GMDS: variants seen among roughly 807,000 people sequenced by gnomAD.
GMDS encodes GDP-mannose 4,6-dehydratase.
A neutral mutation model predicts 49.9 loss-of-function variants in GMDS; 20 were observed. The observed-to-expected ratio is 0.40, with a 90% confidence interval of 0.28 to 0.58. The LOEUF is 0.58. Among genes scored for constraint, GMDS ranks in the 20% least tolerant of loss-of-function variants. GMDS has a pLI of 0.42. For synonymous variants in GMDS, 177 were observed against 178.6 expected (o/e 0.99, Z 0.07); for missense variants, 362 against 481.4 (o/e 0.75, Z 2.32).
At chr6:1,760,638 C>T (rs1202603484) in intron 7 of GMDS, among the ~76,000 whole-genome samples, 1 of 152,210 alleles carries the variant, frequency 6.6e-6, no homozygotes, top group South Asian at 2.1e-4. Flanking sequence ...TAACTGGGAA[C>T]CTAGTGTCCT....
At chr6:1,800,095 G>T (rs1378826491) in intron 7 of GMDS, among the ~76,000 whole-genome samples, 2 of 152,168 alleles carry the variant, frequency 1.3e-5, no homozygotes, top group South Asian at 2.1e-4. Flanking sequence ...CTCCCACCTT[G>T]ACTAGGGCTG....
chr6:1,868,035 G>A (rs1685956659), intron 7 of GMDS, among the ~76,000 whole-genome samples: 2 of 151,488 alleles, frequency 1.3e-5, no homozygotes, highest in African/African-American at 4.9e-5. Flanking sequence ...CACCCAGGCT[G>A]GAGTGCAGTG....
chr6:1,847,005 T>C (rs1757443259), intron 7 of GMDS, among the ~76,000 whole-genome samples: 2 of 152,258 alleles, frequency 1.3e-5, no homozygotes, highest in East Asian at 1.9e-4. Flanking sequence ...TTCAGATGTA[T>C]TGAAATAGAA....
intron 4 of GMDS, among the ~76,000 whole-genome samples, chr6:2,097,325 C>T (rs1023709027): frequency 1.3e-5 from 2 of 152,030 alleles, no homozygotes; most frequent in South Asian, 2.1e-4. Flanking sequence ...CAAAGCCCCT[C>T]GGCGACTGAG....
intron 4 of GMDS, among the ~76,000 whole-genome samples, chr6:2,038,703 T>C (rs1407885014): frequency 1.4e-5 from 2 of 143,712 alleles, no homozygotes; most frequent in Non-Finnish European, 3.1e-5. Flanking sequence ...GACTGCTGAG[T>C]AACATAAGCA....
At chr6:1,912,940 A>G (rs1050466132) in intron 7 of GMDS, among the ~76,000 whole-genome samples, 2 of 152,190 alleles carry the variant, frequency 1.3e-5, no homozygotes, top group African/African-American at 2.4e-5. Flanking sequence ...GCCCTTCTGG[A>G]TGAGACTGAC....
chr6:2,047,651 T>A (rs1028329418), intron 4 of GMDS, among the ~76,000 whole-genome samples: 1 of 151,798 alleles, frequency 6.6e-6, no homozygotes, highest in Admixed American at 6.6e-5. Flanking sequence ...ACCTTCCCCA[T>A]CTAATTTTCG....
intron 4 of GMDS, among the ~76,000 whole-genome samples, chr6:2,077,968 T>C (rs1395865801): frequency 6.6e-5 from 10 of 152,074 alleles, no homozygotes; most frequent in Non-Finnish European, 1.5e-4. Context: ...TACTGGTTAT[T>C]GGTTTGTTCA....
At chr6:2,059,087 A>C (rs1036541182) in intron 4 of GMDS, among the ~76,000 whole-genome samples, 2 of 148,182 alleles carry the variant, frequency 1.3e-5, no homozygotes, top group African/African-American at 5.0e-5. Context: ...AAGCCAGGAG[A>C]ATCTCTTGAA....
At chr6:1,699,023 A>G (rs376839329) in intron 9 of GMDS, among the ~76,000 whole-genome samples, 24 of 152,240 alleles carry the variant, frequency 1.6e-4, no homozygotes, top group African/African-American at 5.5e-4. Context: ...ACCTTTAAAA[A>G]GTGTCATGAA....
intron 1 of GMDS, among the ~76,000 whole-genome samples, chr6:2,163,729 C>A (rs1326338074): frequency 1.3e-5 from 2 of 152,216 alleles, no homozygotes; most frequent in Non-Finnish European, 2.9e-5. Context: ...TACCTACCCA[C>A]ATTAGACACA....
chr6:2,152,437 T>A (rs752443264), intron 1 of GMDS, among the ~76,000 whole-genome samples: 24 of 152,182 alleles, frequency 1.6e-4, no homozygotes, highest in Non-Finnish European at 3.1e-4. Context: ...TTATTCAAAA[T>A]CAGGAGTTTC....
rs751710955 is a variant in GMDS at position 2,078,091 on chromosome 6, G to A, written c.345+37680C>T. 5.7e-4 allele frequency among the ~76,000 whole-genome samples: 86 copies of A among 152,028 alleles called. 1 individual carries two copies. The highest frequency in any genetic ancestry group is 1.6e-4 in the Non-Finnish European group (11 of 67,938). On this transcript the variant is annotated intron_variant, in intron 4 of 10. Coordinates refer to ENST00000380815, the MANE Select transcript of GMDS (RefSeq NM_001500.4). ...TGTGTAGCTGTTCATGATAGTCTCT[G>A]ATGAACCTTTGTATTTCTGTGGTAT...
chr6:1,909,263 A>C (rs1357165631), intron 7 of GMDS, among the ~76,000 whole-genome samples: 1 of 152,228 alleles, frequency 6.6e-6, no homozygotes, highest in Admixed American at 6.5e-5. Context: ...ATTAATTCTT[A>C]GTCTGAAGCC....
At chr6:2,185,426 T>C (rs1778736504) in intron 1 of GMDS, among the ~76,000 whole-genome samples, 2 of 152,208 alleles carry the variant, frequency 1.3e-5, no homozygotes, top group African/African-American at 4.8e-5. Context: ...ACCAACCAAA[T>C]ATTTTAATCA....
At chr6:2,201,892 A>T (rs1369919776) in intron 1 of GMDS, among the ~76,000 whole-genome samples, 1 of 137,550 alleles carries the variant, frequency 7.3e-6, no homozygotes, top group African/African-American at 2.7e-5. Flanking sequence ...CAGTGAGGGC[A>T]GCATGTTAGC....
At chr6:2,137,958 A>G (rs975325968) in intron 1 of GMDS, among the ~76,000 whole-genome samples, 1 of 152,230 alleles carries the variant, frequency 6.6e-6, no homozygotes, top group African/African-American at 2.4e-5. Context: ...GAATGAAGCA[A>G]TAAGAGAAAT....
At chr6:1,800,807 A>G (rs1429125293) in intron 7 of GMDS, among the ~76,000 whole-genome samples, 1 of 152,160 alleles carries the variant, frequency 6.6e-6, no homozygotes. Context: ...CAGGCACAGC[A>G]CAGCAAACAG....
rs74217137 is a variant in GMDS at position 2,200,830 on chromosome 6, C to T, written c.102+44491G>A. Among the ~76,000 whole-genome samples the T allele has an allele frequency of 6.9e-3, 972 of 141,526 alleles. 18 individuals carry two copies. Among genetic ancestry groups the T allele is most frequent in the South Asian group, 0.067 (270 of 4,030 alleles). 92.8% of individuals were successfully genotyped at this position (141,526 alleles called of 152,430 possible). ...CACCAAATGGGCATCCGAGATGTAA[C>T]CATCTAGGCAGTGAGGGCAGCATGT... On this transcript the variant is annotated intron_variant, in intron 1 of 10. Transcript: ENST00000380815.
Sources: gnomAD v4.1 joint callset for allele counts (sites outside exome capture counted in the v4.1 genomes callset) on GRCh38, gnomAD v4.1.1 for gene constraint, MANE v1.5 for transcripts, NCBI Gene and HGNC (gene_info 2026-07-23, HGNC 2026-07-21) for gene names.